The following WDR45 variants were observed in gnomAD, a reference collection of about 807,000 sequenced individuals.
The protein encoded by WDR45 is WD repeat domain 45, also known as WD repeat domain phosphoinositide-interacting protein 4.
Under a neutral mutation model 27.3 loss-of-function variants are expected in WDR45, and 2 were observed. That is an observed-to-expected ratio of 0.07 (90% CI 0.03 to 0.23). The LOEUF is 0.23. WDR45 is among the 10% of genes least tolerant of loss of function. The probability of loss-of-function intolerance (pLI) is 1.00; values close to 1 mark genes in which losing one functional copy is unlikely to be tolerated. For synonymous variants in WDR45, 99 were observed against 119.2 expected, an observed-to-expected ratio of 0.83 and a Z score of 1.11; for missense variants, 175 against 311.9, an observed-to-expected ratio of 0.56 and a Z score of 3.31.
At chrX:49,075,012 C>T in intron 10 of WDR45, 100 bp from the exon 11 acceptor site, 5 of 1,136,230 alleles carry the variant, frequency 4.4e-6, no homozygotes, top group Admixed American at 2.3e-5. Flanking sequence ...CAGGCCTTTG[C>T]CCAGTGCTGT....
At chrX:49,083,316 GT>G (rs781995765), upstream of WDR45, among the ~76,000 whole-genome samples, 1,128 of 72,006 alleles carry the variant, frequency 0.016, 6 homozygotes, top group Middle Eastern at 0.031. Flanking sequence ...CCGGCCTCTC[GT>G]TTTTTTTTTT....
At position 49,076,521 on chromosome X, in the gene WDR45, G is replaced by A. The variant is rs782171399; in HGVS notation, c.345C>T (p.Ile115=). The change falls in exon 6 of 11, where the codon ATC becomes ATT. Residue 115 remains isoleucine, a synonymous_variant. Transcript: ENST00000376372. ...AGATGCGGTTCTTCAGCACGATCAC[G>A]ATCCTGTGGGTATCACACAACACAG... ...VLSVRMRHDK[I]VIVLKNRIYV... 7 of 1,210,319 alleles carry A rather than the reference G, an allele frequency of 5.8e-6. No homozygotes were observed. The highest frequency in any genetic ancestry group is 1.8e-5 in the South Asian group (1 of 56,913).
At chrX:49,094,375 A>G (rs2065117808) in intron 2 of WDR45, among the ~76,000 whole-genome samples, 1 of 110,924 alleles carries the variant, frequency 9.0e-6, no homozygotes, top group Admixed American at 9.7e-5. Context: ...AGGCTGAGAC[A>G]TGAGAATTGC....
intron 2 of WDR45, among the ~76,000 whole-genome samples, chrX:49,086,931 C>G (rs1241549866): frequency 3.6e-5 from 4 of 111,296 alleles, no homozygotes; most frequent in African/African-American, 1.3e-4. Context: ...CTGGATCCTC[C>G]TGTCTCTGCC....
At position 49,095,849 on chromosome X, in the gene WDR45, C is replaced by T. The variant is rs1602551802; in HGVS notation, c.-18+4356G>A. Among the ~76,000 whole-genome samples, 8 of 98,544 alleles carry T rather than the reference C, an allele frequency of 8.1e-5. 3 individuals are homozygous for T. The allele number at this position is 98,544 out of a possible 115,157, so 85.6% of individuals were successfully genotyped here. ...CGTGATCTGGGCTCACTGCAACCTC[C>T]GCCTCCCGGGTTCAAGCAATTCTCT... is the stretch of plus-strand genomic sequence containing the variant. On this transcript the variant is annotated intron_variant, in intron 2 of 11. Transcript: ENST00000356463.
At chrX:49,079,377 C>T (rs1050417867) in intron 1 of WDR45, among the ~76,000 whole-genome samples, 1 of 108,671 alleles carries the variant, frequency 9.2e-6, no homozygotes, top group East Asian at 2.9e-4. Flanking sequence ...AAGATGCCTG[C>T]GCAGTCCCCT....
intron 2 of WDR45, among the ~76,000 whole-genome samples, chrX:49,095,077 C>T (rs1183596496): frequency 3.6e-5 from 4 of 110,521 alleles, no homozygotes; most frequent in South Asian, 3.9e-4. Context: ...CATGAGCCAC[C>T]GAGCCCGACC....
At chrX:49,088,992 GA>G (rs782477122) in intron 2 of WDR45, among the ~76,000 whole-genome samples, 4 of 112,500 alleles carry the variant, frequency 3.6e-5, no homozygotes, top group Admixed American at 1.9e-4. Context: ...AAAATGCAAA[GA>G]AACTAGAAAG....
At chrX:49,098,083 C>G (rs1361247828) in intron 2 of WDR45, among the ~76,000 whole-genome samples, 1 of 112,176 alleles carries the variant, frequency 8.9e-6, no homozygotes, top group African/African-American at 3.2e-5. Flanking sequence ...TCCTGAGTAG[C>G]TGGGACCACA....
chrX:49,074,959 G>A, intron 10 of WDR45, 47 bp from the exon 11 acceptor site: 1 of 1,139,150 alleles, frequency 8.8e-7, no homozygotes, highest in Non-Finnish European at 1.2e-6. Flanking sequence ...CACAGCCACA[G>A]GCTCCAGTCC....
chrX:49,087,899 A>C (rs1224965663), intron 2 of WDR45, among the ~76,000 whole-genome samples: 1 of 112,447 alleles, frequency 8.9e-6, no homozygotes, highest in Non-Finnish European at 1.9e-5. Flanking sequence ...CCAGTCTCAA[A>C]ATTTTTAAAA....
chrX:49,098,597 G>A (rs1362434803), intron 2 of WDR45, among the ~76,000 whole-genome samples: 2 of 110,030 alleles, frequency 1.8e-5, no homozygotes, highest in East Asian at 2.9e-4. Context: ...TTGCCTGAAC[G>A]CAGAAATTTG....
chrX:49,077,539 ACTC>A (rs1557084437), intron 4 of WDR45, 101 bp downstream of exon 4: 1 of 684,968 alleles, frequency 1.5e-6, no homozygotes, highest in Admixed American at 2.6e-5. Flanking sequence ...TCTCTGTGTG[ACTC>A]TGAAGTACTC....
chrX:49,088,162 C>T (rs1234334391), intron 2 of WDR45, among the ~76,000 whole-genome samples: 2 of 111,531 alleles, frequency 1.8e-5, no homozygotes, highest in African/African-American at 6.5e-5. Flanking sequence ...CCAGCACTTT[C>T]GGAGGGTGAG....
At chrX:49,089,421 G>A (rs1162020425) in intron 2 of WDR45, among the ~76,000 whole-genome samples, 1 of 110,228 alleles carries the variant, frequency 9.1e-6, no homozygotes, top group Non-Finnish European at 1.9e-5. Context: ...TTGAGACAGA[G>A]TCTCACTCTG....
chrX:49,096,846 T>C (rs1390625974), intron 2 of WDR45, among the ~76,000 whole-genome samples: 1 of 112,022 alleles, frequency 8.9e-6, no homozygotes, highest in African/African-American at 3.2e-5. Context: ...CTCCGCTTCC[T>C]GGGTTCAAGC....
rs1557087862 is a variant in WDR45, at chrX:49,099,794, C to CA, written c.-18+410dup. On this transcript the variant is annotated intron_variant, in intron 2 of 11. Transcript: ENST00000356463. Reference sequence around the variant, plus strand: ...AGACTATGTCTCAAAAAAAAAAAAACAAAAAAAAACAAAAAAAAACACACA... The same window carrying CA: ...AGACTATGTCTCAAAAAAAAAAAAACAAAAAAAAAACAAAAAAAAACACACA... Among the ~76,000 whole-genome samples, 6 of 14,997 alleles carry CA rather than the reference C, an allele frequency of 4.0e-4. 1 individual carries two copies. Among genetic ancestry groups the CA allele is most frequent in the African/African-American group, 4.3e-4 (6 of 13,937 alleles). 13.0% of individuals were successfully genotyped at this position (14,997 alleles called of 115,157 possible). A position where few individuals can be genotyped will look rare whatever the true frequency, so the allele number is the denominator to read the frequency against.
At chrX:49,097,774 G>T (rs2065131282) in intron 2 of WDR45, among the ~76,000 whole-genome samples, 1 of 106,292 alleles carries the variant, frequency 9.4e-6, no homozygotes, top group Non-Finnish European at 1.9e-5. Context: ...CTCCTGTCTC[G>T]GCCTCCAGAG....
chrX:49,075,711 T>C lies in WDR45; in HGVS notation c.559A>G (p.Thr187Ala). Residue 187 changes from threonine to alanine, a missense_variant, in exon 8 of 11, where the codon ACG becomes GCG. By Grantham distance (58) the Thr-to-Ala change is moderately conservative. Around this residue, in one of 3 missense-constraint regions of WDR45, gnomAD observed 102 missense variants for 165.4 expected, o/e 0.62. Coordinates refer to ENST00000376372, the MANE Select transcript of WDR45 (RefSeq NM_001029896.2). ...TKPGTSSAPF[T>A]INAHQSDIAC... ...ATGTCACTCTGATGTGCATTGATCGTGAATGGAGCAGACGAGGTGCCAGGC... is the reference window on the plus strand; with the variant it reads ...ATGTCACTCTGATGTGCATTGATCGCGAATGGAGCAGACGAGGTGCCAGGC... 1 of 1,210,007 alleles carries C rather than the reference T, an allele frequency of 8.3e-7. No individual in the cohort carries two copies. Among genetic ancestry groups the C allele is most frequent in the Non-Finnish European group, 1.1e-6 (1 of 894,780 alleles).
Sources: gnomAD v4.1 joint callset for allele counts (sites outside exome capture counted in the v4.1 genomes callset) on GRCh38, gnomAD v4.1.1 for gene constraint, gnomAD v4.1.1 regional missense constraint, MANE v1.5 for transcripts, NCBI Gene and HGNC (gene_info 2026-07-23, HGNC 2026-07-21) for gene names.